Variants in ACYP2 observed in about 807,000 individuals in gnomAD.
ACYP2 encodes acylphosphatase-2.
Under a neutral mutation model 11.2 loss-of-function variants are expected in ACYP2, and 12 were observed. The ratio of observed to expected loss-of-function variants is 1.08; its 90% confidence interval spans 0.69 to 1.74. The LOEUF is 1.74. ACYP2 is among the 40% of genes most tolerant of loss of function. ACYP2 has a pLI of 0.00. For missense variants in ACYP2, 134 were observed against 101.9 expected, an observed-to-expected ratio of 1.31 and a Z score of -1.35; for synonymous variants, 43 against 32.2, an observed-to-expected ratio of 1.33 and a Z score of -1.13.
intron 4 of ACYP2, among the ~76,000 whole-genome samples, chr2:54,081,476 G>A (rs1178033328): frequency 6.6e-6 from 1 of 152,154 alleles, no homozygotes; most frequent in Admixed American, 6.5e-5. Context: ...GGTTGCAACT[G>A]CCTACAGTAT....
rs34195032 is a variant in ACYP2 at position 54,294,917 on chromosome 2, T to TAAAA, written c.405-9763_405-9760dup. On this transcript the variant is annotated intron_variant, in intron 6 of 6. Coordinates refer to ENST00000607452, the MANE Select transcript of ACYP2 (RefSeq NM_001320586.2). The stretch of plus-strand genomic sequence containing the variant: ...GGTGACAGAGTAAGATCCTGTCTCT[T>TAAAA]AAAAAAAAAAAGAGTAAAATATCCT... Among the ~76,000 whole-genome samples, 403 of 147,796 alleles carry TAAAA rather than the reference T, an allele frequency of 2.7e-3. 4 individuals carry two copies. The highest frequency in any genetic ancestry group is 9.5e-3 in the African/African-American group (381 of 40,208).
At chr2:54,170,025 C>T (rs767770281) in intron 6 of ACYP2, among the ~76,000 whole-genome samples, 2 of 151,604 alleles carry the variant, frequency 1.3e-5, no homozygotes, top group African/African-American at 2.4e-5. Context: ...GTCTTTCCTT[C>T]CCTCATTTCC....
intron 6 of ACYP2, among the ~76,000 whole-genome samples, chr2:54,205,231 A>G (rs1685022867): frequency 6.6e-6 from 1 of 152,144 alleles, no homozygotes; most frequent in South Asian, 2.1e-4. Flanking sequence ...GCCATGGTGG[A>G]TATTGCCAGT....
intron 6 of ACYP2, among the ~76,000 whole-genome samples, chr2:54,276,653 A>T (rs1325771868): frequency 6.7e-6 from 1 of 148,362 alleles, no homozygotes. Flanking sequence ...ACACACACAC[A>T]CACACACACC....
intron 4 of ACYP2, among the ~76,000 whole-genome samples, chr2:54,070,085 A>T (rs1676953387): frequency 6.6e-6 from 1 of 152,176 alleles, no homozygotes; most frequent in African/African-American, 2.4e-5. Flanking sequence ...AGCCTGACCA[A>T]CATGGAAAAA....
At chr2:54,056,850 G>GA (rs886601478) in intron 3 of ACYP2, among the ~76,000 whole-genome samples, 1 of 151,880 alleles carries the variant, frequency 6.6e-6, no homozygotes, top group Non-Finnish European at 1.5e-5. Context: ...TCTAAAATCA[G>GA]AAAAAAATAC....
chr2:53,984,653 A>G, intron 2 of ACYP2, among the ~76,000 whole-genome samples: 1 of 150,142 alleles, frequency 6.7e-6, no homozygotes, highest in East Asian at 1.9e-4. Flanking sequence ...TATATATAAA[A>G]TATATGTAGT....
At chr2:54,049,712 T>A (rs1032651918) in intron 2 of ACYP2, among the ~76,000 whole-genome samples, 16 of 152,260 alleles carry the variant, frequency 1.1e-4, no homozygotes, top group South Asian at 8.3e-4. Context: ...GTATTTTTTT[T>A]AAAAAAGAGT....
chr2:54,256,387 T>G (rs2104027585), intron 6 of ACYP2: 1 of 521,506 alleles, frequency 1.9e-6, no homozygotes, highest in South Asian at 2.9e-5. Context: ...TGATATTACA[T>G]GGTGGTTTTA....
intron 4 of ACYP2, among the ~76,000 whole-genome samples, chr2:54,101,634 A>G (rs1678897385): frequency 6.8e-6 from 1 of 148,040 alleles, no homozygotes; most frequent in Admixed American, 6.8e-5. Flanking sequence ...AGATTGCGCC[A>G]TTGCAATCCA....
At chr2:54,007,170 A>G (rs1673115093) in intron 2 of ACYP2, among the ~76,000 whole-genome samples, 1 of 145,538 alleles carries the variant, frequency 6.9e-6, no homozygotes, top group Admixed American at 6.8e-5. Context: ...AAAAAGAAAG[A>G]AAGAAAGAAA....
intron 6 of ACYP2, chr2:54,141,951 C>T (rs575094115): frequency 1.1e-4 from 62 of 580,050 alleles, no homozygotes; most frequent in African/African-American, 8.2e-4. Flanking sequence ...GATCTTCCCA[C>T]GTCAACCTCC....
At chr2:54,150,484 G>C (rs1355472125) in intron 6 of ACYP2, among the ~76,000 whole-genome samples, 1 of 152,096 alleles carries the variant, frequency 6.6e-6, no homozygotes, top group Non-Finnish European at 1.5e-5. Flanking sequence ...GCAGTGCCCT[G>C]ATACTCGGCT....
intron 6 of ACYP2, among the ~76,000 whole-genome samples, chr2:54,187,120 G>A (rs1403934224): frequency 6.6e-6 from 1 of 152,142 alleles, no homozygotes; most frequent in Non-Finnish European, 1.5e-5. Flanking sequence ...CAGCCTGAAT[G>A]TGTACGTTTA....
At chr2:54,009,588 A>G (rs1320080995) in intron 2 of ACYP2, among the ~76,000 whole-genome samples, 1 of 152,054 alleles carries the variant, frequency 6.6e-6, no homozygotes, top group African/African-American at 2.4e-5. Context: ...AATAATAATA[A>G]TAATAAATTC....
At chr2:54,191,627 G>A (rs1413021353) in intron 6 of ACYP2, among the ~76,000 whole-genome samples, 2 of 151,944 alleles carry the variant, frequency 1.3e-5, no homozygotes, top group Non-Finnish European at 2.9e-5. Flanking sequence ...GAATTTATGA[G>A]AAGCAGTTGG....
chr2:54,164,140 A>G (rs1421924485), intron 6 of ACYP2, among the ~76,000 whole-genome samples: 1 of 152,184 alleles, frequency 6.6e-6, no homozygotes, highest in East Asian at 1.9e-4. Context: ...TGGAGCATGT[A>G]TAGAACTTAG....
intron 6 of ACYP2, among the ~76,000 whole-genome samples, chr2:54,199,658 G>A (rs147651262): frequency 1.9e-4 from 29 of 152,316 alleles, no homozygotes; most frequent in African/African-American, 7.0e-4. Context: ...TTACTTCTAG[G>A]CTTATTACTT....
intron 4 of ACYP2, among the ~76,000 whole-genome samples, chr2:54,102,728 A>G (rs1281842386): frequency 6.8e-6 from 1 of 147,836 alleles, no homozygotes; most frequent in Non-Finnish European, 1.5e-5. Context: ...TTCTTTCAGG[A>G]ACAGGGGCTC....
Sources: allele counts gnomAD v4.1 joint callset (sites outside exome capture counted in the v4.1 genomes callset), GRCh38; gene constraint gnomAD v4.1.1; transcripts MANE v1.5; gene names NCBI Gene and HGNC (gene_info 2026-07-23, HGNC 2026-07-21).